PREX1: variants seen among roughly 807,000 people sequenced by gnomAD.
The protein encoded by PREX1 is phosphatidylinositol 3,4,5-trisphosphate-dependent Rac exchanger 1 protein.
A neutral mutation model predicts 198.3 loss-of-function variants in PREX1; 41 were observed. That is an observed-to-expected ratio of 0.21 (90% confidence interval 0.16 to 0.27). The LOEUF (loss-of-function observed/expected upper bound fraction) is 0.27, where lower values mean the gene tolerates loss of function less well. Ranked by LOEUF, PREX1 falls within the 10% of genes least tolerant of loss-of-function variation. PREX1 has a pLI of 1.00. For missense variants in PREX1, 1,620 were observed against 2,200.7 expected (o/e 0.74, Z 5.28); for synonymous variants, 843 against 887.2 (o/e 0.95, Z 0.89).
chr20:48,683,181 C>T (rs989701786), intron 10 of PREX1, among the ~76,000 whole-genome samples: 1 of 152,206 alleles, frequency 6.6e-6, no homozygotes, highest in Non-Finnish European at 1.5e-5. Flanking sequence ...TGTTTGAGTG[C>T]CCACTCTCGG....
intron 39 of PREX1, 89 bp from the exon 40 acceptor site, chr20:48,626,016 C>A: frequency 7.4e-7 from 1 of 1,354,704 alleles, no homozygotes; most frequent in Non-Finnish European, 9.9e-7. Context: ...ACATGTAATT[C>A]ATGCCCAGAA....
At chr20:48,818,209 G>A (rs2090467113) in intron 1 of PREX1, among the ~76,000 whole-genome samples, 2 of 152,122 alleles carry the variant, frequency 1.3e-5, no homozygotes, top group Admixed American at 6.5e-5. Context: ...GTGGGCGAGG[G>A]GGTAAGAGCT....
the PREX1 span, among the ~76,000 whole-genome samples, chr20:48,844,601 G>T: frequency 6.6e-6 from 1 of 152,228 alleles, no homozygotes; most frequent in Non-Finnish European, 1.5e-5. Context: ...AAAGTGACTT[G>T]TTCTGCTCTT....
Position 48,827,537 on chromosome 20 carries a change from G to A in PREX1, c.219+105C>T. 1.1e-6 allele frequency: 1 copy of A among 887,810 alleles called. No homozygotes were observed. The highest frequency in any genetic ancestry group is 1.5e-6 in the Non-Finnish European group (1 of 684,356). 55.0% of individuals were successfully genotyped at this position (887,810 alleles called of 1,614,324 possible). A position where few individuals can be genotyped will look rare whatever the true frequency, so the allele number is the denominator to read the frequency against. On this transcript the variant is annotated intron_variant, in intron 1 of 39. Coordinates refer to ENST00000371941, the MANE Select transcript of PREX1 (RefSeq NM_020820.4). This position sits in a 1 kb window ranked among gnomAD's most constrained non-coding sequence, Gnocchi z 4.1. ...TCCGCGCGCCCTGCGGGGCGCCCCCGAGGCAATTCTCCACCCACGGGGACC... is the reference window on the plus strand; with the variant it reads ...TCCGCGCGCCCTGCGGGGCGCCCCCAAGGCAATTCTCCACCCACGGGGACC...
rs948474175 is a variant in PREX1, at chr20:48,666,766, C to T, written c.1666-411G>A. ...GGTCTCAATCTCCTGACCTCGTGAT[C>T]CGTCCGTCTTGGCCTCCCAAAGTGC... On this transcript the variant is annotated intron_variant, in intron 14 of 39. Coordinates refer to ENST00000371941, the MANE Select transcript of PREX1 (RefSeq NM_020820.4). This position sits in a 1 kb window ranked among gnomAD's most constrained non-coding sequence, Gnocchi z 4.3. Among the ~76,000 whole-genome samples, 4 of 152,126 alleles carry T rather than the reference C, an allele frequency of 2.6e-5. No individual in the cohort carries two copies. Among genetic ancestry groups the T allele is most frequent in the African/African-American group, 9.7e-5 (4 of 41,428 alleles).
the PREX1 span, among the ~76,000 whole-genome samples, chr20:48,870,349 C>T: frequency 7.7e-4 from 118 of 152,292 alleles, no homozygotes; most frequent in African/African-American, 2.6e-3. Flanking sequence ...TTCCCAACTC[C>T]AACTCTTCAA....
chr20:48,629,701 C>A, intron 36 of PREX1, 80 bp from the exon 37 acceptor site: 4 of 1,450,148 alleles, frequency 2.8e-6, no homozygotes, highest in South Asian at 1.2e-5. Flanking sequence ...CCTCCTCCCC[C>A]ACCATATCCT....
At chr20:48,676,409 G>A (rs2089709799) in intron 13 of PREX1, 141 bp from the exon 14 acceptor site, 1 of 742,014 alleles carries the variant, frequency 1.3e-6, no homozygotes, top group Admixed American at 2.1e-5. Context: ...CCGAGTCTCA[G>A]CCCAGACTCC....
intron 5 of PREX1, among the ~76,000 whole-genome samples, chr20:48,724,415 C>T (rs148767867): frequency 4.6e-5 from 7 of 152,280 alleles, no homozygotes; most frequent in Admixed American, 2.0e-4. Context: ...GGCACAGGGA[C>T]GGATAGTGAC....
At chr20:48,722,229 G>A (rs1222499549) in intron 5 of PREX1, among the ~76,000 whole-genome samples, 2 of 152,188 alleles carry the variant, frequency 1.3e-5, no homozygotes, top group Non-Finnish European at 2.9e-5. Flanking sequence ...GCTAATGAGT[G>A]CATAAACACA....
chr20:48,797,695 A>G (rs2090369327), intron 1 of PREX1, among the ~76,000 whole-genome samples: 2 of 152,210 alleles, frequency 1.3e-5, no homozygotes, highest in South Asian at 4.1e-4. Context: ...CAGAAAGCAC[A>G]GTCTGGCAAA....
At chr20:48,693,922 A>T (rs879644846) in intron 7 of PREX1, among the ~76,000 whole-genome samples, 24 of 147,502 alleles carry the variant, frequency 1.6e-4, no homozygotes, top group Middle Eastern at 7.0e-3. Flanking sequence ...TTATTTATTT[A>T]TTTTTTTGAG....
At chr20:48,662,979 C>T (rs935610663) in intron 15 of PREX1, among the ~76,000 whole-genome samples, 15 of 152,126 alleles carry the variant, frequency 9.9e-5, no homozygotes, top group Admixed American at 5.9e-4. Flanking sequence ...GCGGGAGGCT[C>T]GGGGCTGTCA....
chr20:48,789,938 A>T (rs960300252), intron 1 of PREX1, among the ~76,000 whole-genome samples: 1 of 152,124 alleles, frequency 6.6e-6, no homozygotes, highest in Admixed American at 6.6e-5. Context: ...GAAGTGAAGA[A>T]GGGGAGGAAA....
At chr20:48,645,025 C>T (rs910166411) in intron 26 of PREX1, among the ~76,000 whole-genome samples, 8 of 152,170 alleles carry the variant, frequency 5.3e-5, no homozygotes, top group Non-Finnish European at 8.8e-5. Context: ...GAATGAAATC[C>T]CAGAGAGAGG....
At chr20:48,874,209 C>T in the PREX1 span, among the ~76,000 whole-genome samples, 1 of 152,130 alleles carries the variant, frequency 6.6e-6, no homozygotes. Context: ...TCCAAGATCA[C>T]CCACCTCTTA....
At chr20:48,663,836 G>A (rs867537886) in intron 15 of PREX1, among the ~76,000 whole-genome samples, 2 of 152,078 alleles carry the variant, frequency 1.3e-5, no homozygotes, top group Admixed American at 6.5e-5. Context: ...CCACCTCCTC[G>A]CTGGCATCCC....
intron 1 of PREX1, among the ~76,000 whole-genome samples, chr20:48,783,221 G>A (rs563605994): frequency 1.3e-5 from 2 of 152,292 alleles, no homozygotes; most frequent in East Asian, 1.9e-4. Context: ...AGATGGGGTG[G>A]TGGCAGAGAG....
chr20:48,697,173 T>C (rs1170460512), intron 7 of PREX1, among the ~76,000 whole-genome samples: 1 of 152,140 alleles, frequency 6.6e-6, no homozygotes, highest in East Asian at 1.9e-4. Flanking sequence ...TATGTATTTG[T>C]ATTTCTTCCA....
Sources: gnomAD v4.1 joint callset for allele counts (sites outside exome capture counted in the v4.1 genomes callset) on GRCh38, gnomAD v4.1.1 for gene constraint, Gnocchi (gnomAD v3.1) non-coding constraint, MANE v1.5 for transcripts, NCBI Gene and HGNC (gene_info 2026-07-23, HGNC 2026-07-21) for gene names.